NRG3: variants seen among roughly 807,000 people sequenced by gnomAD.
NRG3 encodes pro-neuregulin-3, membrane-bound isoform.
In NRG3, 31 loss-of-function variants were observed where a neutral mutation model predicts 66.9. The observed-to-expected ratio is 0.46, with a 90% CI of 0.35 to 0.63. The LOEUF is 0.63. NRG3 is among the 20% of genes least tolerant of loss of function. The pLI is 0.00. For missense variants in NRG3, 910 were observed against 878.9 expected, an observed-to-expected ratio of 1.04 and a Z score of -0.45; for synonymous variants, 393 against 359.4, an observed-to-expected ratio of 1.09 and a Z score of -1.06.
chr10:82,984,841 C>T (rs770486248), intron 8 of NRG3: 2 of 1,520,952 alleles, frequency 1.3e-6, no homozygotes, highest in Admixed American at 3.9e-5. Flanking sequence ...TGTTGAAAGA[C>T]CCCTGGACTT....
At chr10:82,395,799 G>A (rs1264423815) in intron 2 of NRG3, among the ~76,000 whole-genome samples, 1 of 152,040 alleles carries the variant, frequency 6.6e-6, no homozygotes, top group Non-Finnish European at 1.5e-5. Flanking sequence ...AATTAAAGCT[G>A]AGTCAGTGCA....
At chr10:82,616,312 A>G (rs1229880746) in intron 2 of NRG3, among the ~76,000 whole-genome samples, 2 of 152,206 alleles carry the variant, frequency 1.3e-5, no homozygotes, top group Non-Finnish European at 2.9e-5. Flanking sequence ...ACAAGCACCA[A>G]TATTTCACTC....
chr10:82,449,267 G>A (rs903489303), intron 2 of NRG3, among the ~76,000 whole-genome samples: 2 of 152,134 alleles, frequency 1.3e-5, no homozygotes, highest in Non-Finnish European at 2.9e-5. Context: ...GTTAAACAGG[G>A]GTCCAACAAA....
rs142654491 is a variant in NRG3 at position 82,858,549 on chromosome 10, A to T, written c.1028-6862A>T. ...ATGGTTAGCAAATGTGGAAGACTCA[A>T]CTTGCCTTCCTCACAAAACCTATTT... On this transcript the variant is annotated intron_variant, in intron 3 of 8. Transcript: ENST00000372141. Among the ~76,000 whole-genome samples, 12 of 152,342 alleles carry T rather than the reference A, an allele frequency of 7.9e-5. 1 individual carries two copies. In the East Asian group the frequency reaches 2.3e-3, roughly 29 times the overall value.
chr10:82,297,597 A>C (rs1467775325), intron 1 of NRG3, among the ~76,000 whole-genome samples: 1 of 152,172 alleles, frequency 6.6e-6, no homozygotes, highest in Admixed American at 6.5e-5. Context: ...AAAGCCCCTA[A>C]AGTTTTCTGA....
intron 4 of NRG3, among the ~76,000 whole-genome samples, chr10:82,887,077 G>A (rs1222334824): frequency 6.6e-6 from 1 of 152,210 alleles, no homozygotes. Flanking sequence ...TAAAGATGCA[G>A]TGTAGCAAGA....
chr10:82,048,023 G>C (rs992118997), intron 1 of NRG3, among the ~76,000 whole-genome samples: 1 of 150,962 alleles, frequency 6.6e-6, no homozygotes, highest in Non-Finnish European at 1.5e-5. Flanking sequence ...TAATGGTAAA[G>C]GGATCAATTA....
chr10:82,412,838 C>T (rs1470389760), intron 2 of NRG3, among the ~76,000 whole-genome samples: 2 of 150,860 alleles, frequency 1.3e-5, no homozygotes, highest in Non-Finnish European at 3.0e-5. Context: ...ATCTAACAAA[C>T]AAACAAAAAA....
intron 2 of NRG3, among the ~76,000 whole-genome samples, chr10:82,646,445 T>C: frequency 6.6e-6 from 1 of 152,202 alleles, no homozygotes. Context: ...TATGGTCACC[T>C]GTCACGTGTG....
chr10:82,270,871 G>A (rs73306609), intron 1 of NRG3, among the ~76,000 whole-genome samples: 2,605 of 152,196 alleles, frequency 0.017, 78 homozygotes, highest in African/African-American at 0.059. Flanking sequence ...GATGCCCAAT[G>A]CATTTTGGAA....
At chr10:82,088,842 G>A (rs2065871567) in intron 1 of NRG3, among the ~76,000 whole-genome samples, 2 of 151,958 alleles carry the variant, frequency 1.3e-5, no homozygotes, top group African/African-American at 2.4e-5. Context: ...CAAAATTTAC[G>A]TTTTGACTTG....
At chr10:82,287,178 G>T (rs1165523756) in intron 1 of NRG3, among the ~76,000 whole-genome samples, 2 of 151,926 alleles carry the variant, frequency 1.3e-5, no homozygotes, top group African/African-American at 4.8e-5. Flanking sequence ...GGGGTGTTTG[G>T]GTCATGGGGC....
intron 4 of NRG3, among the ~76,000 whole-genome samples, chr10:82,904,232 T>C (rs1844506102): frequency 6.6e-6 from 1 of 152,070 alleles, no homozygotes; most frequent in South Asian, 2.1e-4. Context: ...TCAACAGCTA[T>C]TGTTAGTTTT....
intron 2 of NRG3, among the ~76,000 whole-genome samples, chr10:82,603,882 T>G (rs2047794508): frequency 6.6e-6 from 1 of 152,110 alleles, no homozygotes; most frequent in Non-Finnish European, 1.5e-5. Flanking sequence ...AAGAATATAT[T>G]TAAAAAATAA....
At chr10:82,209,957 T>A (rs937442247) in intron 1 of NRG3, among the ~76,000 whole-genome samples, 2 of 152,130 alleles carry the variant, frequency 1.3e-5, no homozygotes, top group Non-Finnish European at 2.9e-5. Flanking sequence ...ATATATATTT[T>A]CAATAGCCAA....
intron 1 of NRG3, among the ~76,000 whole-genome samples, chr10:82,133,471 C>G (rs998804011): frequency 6.6e-6 from 1 of 152,110 alleles, no homozygotes; most frequent in African/African-American, 2.4e-5. Flanking sequence ...TTCATAAGTT[C>G]TCTTCATTTA....
rs185606482 is a variant in NRG3, at chr10:82,968,873, G to A, written c.1285-4915G>A. ...GTTTAATGGACTCACAGTTTCATAT[G>A]GCTGGTGAGGCCTCATAATCATGGT... On this transcript the variant is annotated intron_variant, in intron 6 of 8. Coordinates refer to ENST00000372141, the MANE Select transcript of NRG3 (RefSeq NM_001010848.4). 2.5e-3 allele frequency among the ~76,000 whole-genome samples: 383 copies of A among 152,302 alleles called. 1 individual carries two copies. Among genetic ancestry groups the A allele is most frequent in the Middle Eastern group, 0.01 (3 of 294 alleles).
chr10:82,718,624 A>G (rs1265417043), intron 2 of NRG3, among the ~76,000 whole-genome samples: 3 of 152,216 alleles, frequency 2.0e-5, no homozygotes, highest in Non-Finnish European at 4.4e-5. Flanking sequence ...ATTTAAAATA[A>G]CAAAACAATG....
intron 1 of NRG3, among the ~76,000 whole-genome samples, chr10:82,251,701 A>G (rs2077497198): frequency 6.6e-6 from 1 of 152,166 alleles, no homozygotes; most frequent in Non-Finnish European, 1.5e-5. Flanking sequence ...CTTTGTTTAA[A>G]TCGAGAATTG....
Sources: allele counts gnomAD v4.1 joint callset (sites outside exome capture counted in the v4.1 genomes callset), GRCh38; gene constraint gnomAD v4.1.1; transcripts MANE v1.5; gene names NCBI Gene and HGNC (gene_info 2026-07-23, HGNC 2026-07-21).